The following ATR variants were observed in gnomAD, a reference collection of about 807,000 sequenced individuals.
ATR encodes serine/threonine-protein kinase ATR.
Under a neutral mutation model 305.3 loss-of-function variants are expected in ATR, and 142 were observed. That is an observed-to-expected ratio of 0.47 (90% CI 0.41 to 0.53). The LOEUF is 0.53. Ranked by LOEUF, ATR falls within the 20% of genes least tolerant of loss-of-function variation. The pLI, the probability that ATR is intolerant of heterozygous loss-of-function variation, is 0.00. For synonymous variants in ATR, 1,050 were observed against 1,068.1 expected (o/e 0.98, Z 0.33); for missense variants, 2,135 against 3,133.1 (o/e 0.68, Z 7.60).
At chr3:142,539,359 A>C (rs1035663717) in intron 18 of ATR, among the ~76,000 whole-genome samples, 2 of 152,166 alleles carry the variant, frequency 1.3e-5, no homozygotes, top group Non-Finnish European at 2.9e-5. Context: ...GAAAGCAGAG[A>C]ATCTATAAGA....
intron 46 of ATR, chr3:142,450,843 A>G: frequency 7.3e-7 from 1 of 1,360,654 alleles, no homozygotes. Context: ...TTCAGTTGCC[A>G]TTTCTGGAAG....
intron 45 of ATR, among the ~76,000 whole-genome samples, chr3:142,457,174 G>A (rs931437722): frequency 2.0e-5 from 3 of 152,098 alleles, no homozygotes; most frequent in South Asian, 2.1e-4. Flanking sequence ...TACATTAAGT[G>A]AAAGAAGACA....
rs1048156518 is a variant in ATR at position 142,499,799 on chromosome 3, T to C, written c.5289-81A>G. ...AGATTTTTCATTGGTTTACATACTCTATTTATTATATTTATTGAATTTGCA... is the reference window on the plus strand; with the variant it reads ...AGATTTTTCATTGGTTTACATACTCCATTTATTATATTTATTGAATTTGCA... On this transcript the variant is annotated intron_variant, in intron 30 of 46. Transcript: ENST00000350721. The C allele has an allele frequency of 6.7e-5, 69 of 1,024,452 alleles. No homozygotes were observed. The Middle Eastern group carries it at 8.4e-4, about 12-fold the overall frequency. The allele number at this position is 1,024,452 out of a possible 1,614,324, so 63.5% of individuals were successfully genotyped here.
At chr3:142,574,716 T>C (rs1288635621) in intron 1 of ATR, among the ~76,000 whole-genome samples, 1 of 152,194 alleles carries the variant, frequency 6.6e-6, no homozygotes, top group Non-Finnish European at 1.5e-5. Context: ...GAGGTAATTA[T>C]GGTTAAGAAC....
chr3:142,509,396 T>G (rs1376599732), intron 27 of ATR, among the ~76,000 whole-genome samples: 1 of 151,978 alleles, frequency 6.6e-6, no homozygotes, highest in Non-Finnish European at 1.5e-5. Context: ...ACTCCTGAGC[T>G]CAAGTGATCC....
intron 4 of ATR, 46 bp from the exon 5 acceptor site, chr3:142,561,467 T>A: frequency 6.6e-7 from 1 of 1,522,038 alleles, no homozygotes; most frequent in Non-Finnish European, 8.9e-7. Flanking sequence ...TTAGAAAATA[T>A]ATTTATATTA....
intron 10 of ATR, among the ~76,000 whole-genome samples, chr3:142,554,987 G>A (rs1027382405): frequency 6.6e-6 from 1 of 151,536 alleles, no homozygotes; most frequent in African/African-American, 2.4e-5. Context: ...TGTAACCCCA[G>A]CACTTTGGGG....
intron 36 of ATR, among the ~76,000 whole-genome samples, chr3:142,474,384 T>C (rs910827293): frequency 5.3e-5 from 8 of 152,188 alleles, no homozygotes; most frequent in Admixed American, 3.9e-4. Context: ...ATCTTTCCAT[T>C]TGTTCATGTC....
intron 36 of ATR, among the ~76,000 whole-genome samples, chr3:142,477,626 T>C (rs959024103): frequency 1.3e-5 from 2 of 152,256 alleles, no homozygotes; most frequent in African/African-American, 4.8e-5. Flanking sequence ...TAGGGAGGAC[T>C]CCCTCTTTCT....
At chr3:142,516,856 T>G (rs1050650822) in intron 24 of ATR, among the ~76,000 whole-genome samples, 2 of 152,024 alleles carry the variant, frequency 1.3e-5, no homozygotes, top group African/African-American at 4.8e-5. Flanking sequence ...TTTAAACATG[T>G]TCACACAGCT....
At chr3:142,560,860 T>C (rs2034855783) in intron 5 of ATR, among the ~76,000 whole-genome samples, 1 of 152,184 alleles carries the variant, frequency 6.6e-6, no homozygotes, top group Non-Finnish European at 1.5e-5. Flanking sequence ...GCGCCCAGCC[T>C]GAAATTTATA....
intron 28 of ATR, among the ~76,000 whole-genome samples, chr3:142,506,579 C>T (rs991199988): frequency 2.0e-5 from 3 of 151,878 alleles, no homozygotes; most frequent in Non-Finnish European, 2.9e-5. Context: ...CCCAGCTGCT[C>T]GGGAGGCTGA....
In ATR at chr3:142,533,085, G is replaced by T. The variant is rs146288918; in HGVS notation, c.3945+1995C>A. Among the ~76,000 whole-genome samples, 306 of 152,070 alleles carry T rather than the reference G, an allele frequency of 2.0e-3. 5 individuals carry two copies. The East Asian group carries it at 0.031, about 15-fold the overall frequency. ...AGGCCCAGGCAAGGGGACTGCATGAGGCCAGGAGTTCAAGACCAGCCTGGG... is the reference window on the plus strand; with the variant it reads ...AGGCCCAGGCAAGGGGACTGCATGATGCCAGGAGTTCAAGACCAGCCTGGG... On this transcript the variant is annotated intron_variant, in intron 21 of 46. Coordinates refer to ENST00000350721, the MANE Select transcript of ATR (RefSeq NM_001184.4).
intron 21 of ATR, among the ~76,000 whole-genome samples, chr3:142,526,027 C>T (rs927096577): frequency 2.0e-5 from 3 of 152,018 alleles, no homozygotes; most frequent in African/African-American, 7.3e-5. Context: ...AATCTATTAC[C>T]CTTTTGTGTC....
intron 15 of ATR, among the ~76,000 whole-genome samples, chr3:142,548,915 CAAAT>C (rs879842445): frequency 4.6e-4 from 70 of 152,132 alleles, no homozygotes; most frequent in Admixed American, 1.2e-3. Flanking sequence ...TATTATGAAA[CAAAT>C]TAAGTAAATT....
chr3:142,523,949 T>C (rs781640399), intron 22 of ATR, 44 bp downstream of exon 22: 5 of 1,571,828 alleles, frequency 3.2e-6, no homozygotes, highest in South Asian at 1.1e-5. Flanking sequence ...TAAACCTCAA[T>C]AGGACAGAGA....
chr3:142,501,870 G>A (rs1013447747), intron 30 of ATR, among the ~76,000 whole-genome samples: 3 of 152,018 alleles, frequency 2.0e-5, no homozygotes, highest in Non-Finnish European at 2.9e-5. Flanking sequence ...TCAGTCTCCC[G>A]AGTAGCTGGG....
chr3:142,521,789 A>C (rs1315745575), intron 23 of ATR, among the ~76,000 whole-genome samples: 4 of 152,218 alleles, frequency 2.6e-5, no homozygotes, highest in African/African-American at 9.6e-5. Flanking sequence ...GTTGCTTTTT[A>C]TAAGCAAAGA....
chr3:142,482,655 G>T (rs1247884200), intron 36 of ATR, among the ~76,000 whole-genome samples: 2 of 152,012 alleles, frequency 1.3e-5, no homozygotes, highest in Non-Finnish European at 2.9e-5. Context: ...AACATAGTGA[G>T]ACCCTGTCTC....
Sources: allele counts gnomAD v4.1 joint callset (sites outside exome capture counted in the v4.1 genomes callset), GRCh38; gene constraint gnomAD v4.1.1; transcripts MANE v1.5; gene names NCBI Gene and HGNC (gene_info 2026-07-23, HGNC 2026-07-21).